The following GRB10 variants were observed in gnomAD, a reference collection of about 807,000 sequenced individuals.
GRB10 encodes growth factor receptor-bound protein 10.
Under a neutral mutation model 80.9 loss-of-function variants are expected in GRB10, and 20 were observed. The observed-to-expected ratio is 0.25, with a 90% CI of 0.17 to 0.36. The LOEUF is 0.36. GRB10 is among the 10% of genes least tolerant of loss of function. The pLI is 1.00. For missense variants in GRB10, 548 were observed against 747.7 expected (o/e 0.73, Z 3.12); for synonymous variants, 291 against 291.5 (o/e 1.00, Z 0.02).
intron 5 of GRB10, among the ~76,000 whole-genome samples, chr7:50,701,060 C>G (rs1238283443): frequency 6.6e-6 from 1 of 151,938 alleles, no homozygotes; most frequent in Non-Finnish European, 1.5e-5. Context: ...CTTGTTTTTT[C>G]TTCCGTTTTC....
chr7:50,671,984 G>T (rs1041761194), intron 6 of GRB10, among the ~76,000 whole-genome samples: 1 of 152,222 alleles, frequency 6.6e-6, no homozygotes, highest in African/African-American at 2.4e-5. Flanking sequence ...CAGAGCTGAG[G>T]GGCGAGGTCC....
intron 7 of GRB10, among the ~76,000 whole-genome samples, chr7:50,659,384 C>T (rs562109751): frequency 3.3e-5 from 5 of 152,204 alleles, no homozygotes; most frequent in Non-Finnish European, 7.3e-5. Flanking sequence ...GAAAGCTAGA[C>T]CCTACTCAAA....
At chr7:50,703,010 GCAT>G (rs1563512638) in intron 5 of GRB10, among the ~76,000 whole-genome samples, 1 of 152,056 alleles carries the variant, frequency 6.6e-6, no homozygotes, top group African/African-American at 2.4e-5. Flanking sequence ...CCCTTTCCCC[GCAT>G]CATGTCACTT....
chr7:50,662,402 C>T (rs938247786), intron 7 of GRB10, among the ~76,000 whole-genome samples: 1 of 152,204 alleles, frequency 6.6e-6, no homozygotes, highest in Non-Finnish European at 1.5e-5. Flanking sequence ...ATGCTAAGCT[C>T]CTCCACTGCC....
chr7:50,669,210 GT>G (rs2060110845), intron 7 of GRB10, among the ~76,000 whole-genome samples: 1 of 152,204 alleles, frequency 6.6e-6, no homozygotes, highest in Non-Finnish European at 1.5e-5. Flanking sequence ...ATAAAACAGA[GT>G]TTTGATCAAT....
At chr7:50,687,213 G>T (rs1303043982) in intron 5 of GRB10, among the ~76,000 whole-genome samples, 1 of 152,180 alleles carries the variant, frequency 6.6e-6, no homozygotes, top group Non-Finnish European at 1.5e-5. Flanking sequence ...GTACATAAAT[G>T]CCAGATTGTC....
chr7:50,702,432 T>C (rs1260286642), intron 5 of GRB10, among the ~76,000 whole-genome samples: 1 of 152,228 alleles, frequency 6.6e-6, no homozygotes, highest in Non-Finnish European at 1.5e-5. Flanking sequence ...CACTATTCAA[T>C]GCTCTGTGGA....
intron 5 of GRB10, among the ~76,000 whole-genome samples, chr7:50,678,910 C>T (rs2061256894): frequency 6.6e-6 from 1 of 152,228 alleles, no homozygotes; most frequent in Non-Finnish European, 1.5e-5. Flanking sequence ...TAAACAAATG[C>T]TTCTCGCAGT....
At chr7:50,777,714 A>G (rs2051895) in intron 2 of GRB10, among the ~76,000 whole-genome samples, 94,698 of 151,950 alleles carry the variant, frequency 0.62, 32,415 homozygotes, top group Middle Eastern at 0.87. Flanking sequence ...GTACATATAC[A>G]CCGTGGAATA....
At chr7:50,614,392 C>G (rs1223339957) in intron 12 of GRB10, among the ~76,000 whole-genome samples, 1 of 152,172 alleles carries the variant, frequency 6.6e-6, no homozygotes, top group Non-Finnish European at 1.5e-5. Flanking sequence ...CAGAAGCCAT[C>G]AGCTCACTCA....
Position 50,745,033 on chromosome 7 carries a change from T to C in GRB10, c.-47+10854A>G, listed in dbSNP as rs368765559. 5.3e-5 allele frequency among the ~76,000 whole-genome samples: 8 copies of C among 152,358 alleles called. No homozygotes were observed. In the East Asian group the frequency reaches 7.7e-4, roughly 15 times the overall value. The stretch of plus-strand genomic sequence containing the variant: ...TAGAGTAACAGCCTAGTCTTCTACA[T>C]ATATTTTATGCATTCATGACATAGC... On this transcript the variant is annotated intron_variant, in intron 3 of 18. Coordinates refer to ENST00000401949, the MANE Select transcript of GRB10 (RefSeq NM_001350814.2).
chr7:50,773,770 A>G (rs887605168), intron 2 of GRB10, among the ~76,000 whole-genome samples: 2 of 152,210 alleles, frequency 1.3e-5, no homozygotes, highest in African/African-American at 4.8e-5. Context: ...ATTATTCACA[A>G]TACCCAAAAG....
rs201569948 is a variant in GRB10, at chr7:50,605,414, G to A, written c.1273-8C>T. ...GTTCTCGGAGACACTGCGCTGAAAA[G>A]GAAAGGCCGCAGTTCTTAAAATGCA... is the stretch of plus-strand genomic sequence containing the variant. On this transcript the variant is annotated splice_region_variant and splice_polypyrimidine_tract_variant and intron_variant, in intron 14 of 18. Transcript: ENST00000401949. The A allele has an allele frequency of 2.0e-4, 316 of 1,606,158 alleles. 1 individual carries two copies. In the African/African-American group the frequency reaches 2.7e-3, roughly 14 times the overall value.
At chr7:50,602,642 T>C (rs910887484) in intron 17 of GRB10, among the ~76,000 whole-genome samples, 2 of 152,214 alleles carry the variant, frequency 1.3e-5, no homozygotes, top group East Asian at 1.9e-4. Context: ...CAGAAGTATA[T>C]GGTATAGCAT....
In GRB10 at chr7:50,618,281, TCTC is replaced by T. The variant is rs2051014007; in HGVS notation, c.778-145_778-143del. 4.2e-5 allele frequency: 30 copies of T among 707,168 alleles called. 1 individual carries two copies. Among genetic ancestry groups the T allele is most frequent in the South Asian group, 4.2e-4 (27 of 64,124 alleles). The allele number at this position is 707,168 out of a possible 1,614,324, so 43.8% of individuals were successfully genotyped here. A position where few individuals can be genotyped will look rare whatever the true frequency, so the allele number is the denominator to read the frequency against. On this transcript the variant is annotated intron_variant, in intron 9 of 18. Coordinates refer to ENST00000401949, the MANE Select transcript of GRB10 (RefSeq NM_001350814.2). ...TATTTAAAATGGCGGTCCTTTTTAT[TCTC>T]CTATCACACAGAAGAAACACCTCCT...
chr7:50,659,748 T>A (rs1484604720), intron 7 of GRB10, among the ~76,000 whole-genome samples: 1 of 152,182 alleles, frequency 6.6e-6, no homozygotes, highest in African/African-American at 2.4e-5. Flanking sequence ...AGAACATCCA[T>A]CCTTCAGTGG....
chr7:50,733,259 A>C (rs1227909663), intron 3 of GRB10, among the ~76,000 whole-genome samples: 1 of 152,200 alleles, frequency 6.6e-6, no homozygotes, highest in East Asian at 1.9e-4. Flanking sequence ...GGAGAAACCA[A>C]ATCGGCCGAT....
chr7:50,653,275 C>T (rs1168323827), intron 7 of GRB10, among the ~76,000 whole-genome samples: 1 of 152,194 alleles, frequency 6.6e-6, no homozygotes, highest in African/African-American at 2.4e-5. Flanking sequence ...GAGGTAGCCA[C>T]AGCAGGAAGA....
upstream of GRB10, among the ~76,000 whole-genome samples, chr7:50,787,219 C>T (rs2078729169): frequency 6.6e-6 from 1 of 151,932 alleles, no homozygotes; most frequent in Admixed American, 6.6e-5. Context: ...TCCTCACCTT[C>T]CATGGAGTTT....
Sources: allele counts gnomAD v4.1 joint callset (sites outside exome capture counted in the v4.1 genomes callset), GRCh38; gene constraint gnomAD v4.1.1; transcripts MANE v1.5; gene names NCBI Gene and HGNC (gene_info 2026-07-23, HGNC 2026-07-21).